Variants in GTF3C5 observed in about 807,000 individuals in gnomAD.
GTF3C5 encodes the protein general transcription factor IIIC subunit 5.
In GTF3C5, 47 loss-of-function variants were observed where a neutral mutation model predicts 61.0. The observed-to-expected ratio is 0.77, with a 90% CI of 0.61 to 0.98. GTF3C5 has a LOEUF of 0.98. GTF3C5 is among the 50% of genes least tolerant of loss of function. GTF3C5 has a pLI of 0.00. For missense variants in GTF3C5, 659 were observed against 703.3 expected (o/e 0.94, Z 0.71); for synonymous variants, 295 against 275.4 (o/e 1.07, Z -0.71).
chr9:133,056,822 A>G lies in GTF3C5; in HGVS notation c.1307A>G (p.Asp436Gly). The G allele has an allele frequency of 6.2e-7, 1 of 1,612,216 alleles. No homozygotes were observed. The highest frequency in any genetic ancestry group is 8.5e-7 in the Non-Finnish European group (1 of 1,179,182). The change falls in exon 10 of 11, where the codon GAT becomes GGT. Residue 436 changes from aspartate (D) to glycine (G), a missense_variant. By Grantham distance (94) the Asp-to-Gly change is moderately conservative. Coordinates refer to ENST00000372097, the MANE Select transcript of GTF3C5 (RefSeq NM_012087.4). ...DGAENSCTER[D>G]GWCLPKTSDE... ...GCAGAGAATTCCTGCACAGAACGGG[A>G]TGGGTGGTGCCTCCCCAAGACCAGC...
At position 133,031,464 on chromosome 9, in the gene GTF3C5, G is replaced by A. The variant is rs150096822; in HGVS notation, c.153+300G>A. Among the ~76,000 whole-genome samples, 1,455 of 152,262 alleles carry A rather than the reference G, an allele frequency of 9.6e-3. 16 individuals carry two copies. The highest frequency in any genetic ancestry group is 0.029 in the African/African-American group (1,187 of 41,544). ...CCTCCAGGGTTCAAGCGATTCTCCT[G>A]CCTCAGCCTCCAGAGTAGCTGGGAT... On this transcript the variant is annotated intron_variant, in intron 1 of 10. Coordinates refer to ENST00000372097, the MANE Select transcript of GTF3C5 (RefSeq NM_012087.4).
rs764152900 is a variant in GTF3C5, at chr9:133,042,291, A to G, written c.358A>G (p.Ile120Val). The change falls in exon 2 of 11, where the codon ATT (isoleucine) becomes GTT (valine). Residue 120 changes from isoleucine to valine, a missense_variant. By Grantham distance (29) the Ile-to-Val change is conservative (BLOSUM62 3). Coordinates refer to ENST00000372097, the MANE Select transcript of GTF3C5 (RefSeq NM_012087.4). Reference protein sequence around the residue: ...DMEILGIISTIYKFQGMSDFQ... With the variant: ...DMEILGIISTVYKFQGMSDFQ... The stretch of plus-strand genomic sequence containing the variant: ...GGAGATCCTTGGCATCATCTCCACC[A>G]TTTACAAATTTCAGGGTAACTGAAA... 2.5e-6 allele frequency: 4 copies of G among 1,604,400 alleles called. No homozygotes were observed. The highest frequency in any genetic ancestry group is 2.2e-5 in the East Asian group (1 of 44,862).
chr9:133,042,070 CT>C lies in GTF3C5; in HGVS notation c.154-14del. 2 of 1,597,738 alleles carry C rather than the reference CT, an allele frequency of 1.3e-6. No homozygotes were observed. The highest frequency in any genetic ancestry group is 1.7e-6 in the Non-Finnish European group (2 of 1,166,442). On this transcript the variant is annotated splice_polypyrimidine_tract_variant and intron_variant, in intron 1 of 10. Transcript: ENST00000372097. ...GCTTGTCATTGCTTCACTCTGTCTC[CT>C]TTGGCCTTGCCACAGATCTACGCAG...
Position 133,058,326 on chromosome 9 carries a change from C to G in GTF3C5, c.*346C>G, listed in dbSNP as rs1001642488. The G allele has an allele frequency of 7.6e-6, 2 of 261,908 alleles. No individual in the cohort carries two copies. The highest frequency in any genetic ancestry group is 4.6e-5 in the African/African-American group (2 of 43,644). 16.2% of individuals were successfully genotyped at this position (261,908 alleles called of 1,614,324 possible). On this transcript the variant is annotated 3_prime_UTR_variant, in exon 11 of 11. Transcript: ENST00000372097. ...AGCTGGGCAGCTGTGGAGCCCCAGG[C>G]CACAGGCCAGTCTCGCTTGGCTCTC...
chr9:133,053,120 G>A (rs1420110641), intron 5 of GTF3C5, among the ~76,000 whole-genome samples: 18 of 152,310 alleles, frequency 1.2e-4, no homozygotes, highest in African/African-American at 3.4e-4. Flanking sequence ...GATTATAGGC[G>A]AGAGCCACTG....
intron 3 of GTF3C5, among the ~76,000 whole-genome samples, chr9:133,046,868 C>CT (rs1850223839): frequency 6.6e-6 from 1 of 152,126 alleles, no homozygotes; most frequent in Admixed American, 6.5e-5. Context: ...CAAAGGAAGG[C>CT]TGGGGAGGCT....
Position 133,043,710 on chromosome 9 carries a change from G to A in GTF3C5, c.374-18G>A. The A allele has an allele frequency of 1.9e-6, 3 of 1,608,482 alleles. No individual in the cohort carries two copies. Among genetic ancestry groups the A allele is most frequent in the Non-Finnish European group, 2.6e-6 (3 of 1,175,026 alleles). On this transcript the variant is annotated intron_variant, in intron 2 of 10. Transcript: ENST00000372097. ...TTCCTGGACTCAATGTCTGCCATCT[G>A]CCCACCTCTCTTTCTAGGGATGTCT...
upstream of GTF3C5, chr9:133,030,965 A>T (rs1330617371): frequency 8.7e-6 from 14 of 1,604,008 alleles, no homozygotes; most frequent in Non-Finnish European, 1.2e-5. Flanking sequence ...GGCCTTTGGG[A>T]GTACTTTGTG....
At chr9:133,043,251 T>C (rs556852365) in intron 2 of GTF3C5, among the ~76,000 whole-genome samples, 32 of 152,332 alleles carry the variant, frequency 2.1e-4, no homozygotes, top group Non-Finnish European at 3.7e-4. Context: ...AAGTGATTCA[T>C]AAAACATAAC....
chr9:133,053,108 G>A (rs1466194828), intron 5 of GTF3C5, among the ~76,000 whole-genome samples: 1 of 152,196 alleles, frequency 6.6e-6, no homozygotes, highest in Non-Finnish European at 1.5e-5. Context: ...CCAAAATGCT[G>A]GGATTATAGG....
chr9:133,055,910 G>C, intron 8 of GTF3C5, 102 bp from the exon 9 acceptor site: 2 of 1,522,050 alleles, frequency 1.3e-6, no homozygotes, highest in Non-Finnish European at 1.8e-6. Context: ...TGACCAGCCA[G>C]CTCCCTGGAG....
chr9:133,031,512 C>T (rs538204269), intron 1 of GTF3C5, among the ~76,000 whole-genome samples: 7 of 151,996 alleles, frequency 4.6e-5, no homozygotes, highest in East Asian at 1.9e-4. Context: ...CCACCACGCC[C>T]GGCTAAATTT....
chr9:133,049,605 G>C (rs970382754), intron 3 of GTF3C5, among the ~76,000 whole-genome samples: 2 of 152,106 alleles, frequency 1.3e-5, no homozygotes, highest in Admixed American at 1.3e-4. Flanking sequence ...AGCTGGTGAC[G>C]GGCTTGTGGG....
At chr9:133,039,168 G>A (rs142812293) in intron 1 of GTF3C5, among the ~76,000 whole-genome samples, 2 of 152,290 alleles carry the variant, frequency 1.3e-5, no homozygotes, top group African/African-American at 4.8e-5. Context: ...TGTCTCTTTA[G>A]AGAAGTTTTC....
chr9:133,043,909 A>T lies in GTF3C5; in HGVS notation c.555A>T (p.Arg185=). 1 of 1,613,360 alleles carries T rather than the reference A, an allele frequency of 6.2e-7. No homozygotes were observed. The highest frequency in any genetic ancestry group is 8.5e-7 in the Non-Finnish European group (1 of 1,179,384). ...RLDAPVDYFY[R]PETQHREGYN... ...ACGCCCCGGTGGACTACTTCTACCG[A>T]CCAGAGACCCAGCACCGGTAAGGCC... Residue 185 remains arginine, a synonymous_variant, in exon 3 of 11, where the codon CGA becomes CGT. Coordinates refer to ENST00000372097, the MANE Select transcript of GTF3C5 (RefSeq NM_012087.4).
intron 2 of GTF3C5, among the ~76,000 whole-genome samples, chr9:133,043,049 T>C (rs1006005901): frequency 3.3e-5 from 5 of 152,158 alleles, no homozygotes; most frequent in African/African-American, 1.2e-4. Context: ...CATCTGCAGT[T>C]CTAGGCAGAA....
Position 133,052,178 on chromosome 9 carries a change from GC to G in GTF3C5, c.873+17del. The G allele has an allele frequency of 7.1e-7, 1 of 1,411,480 alleles. No individual in the cohort carries two copies. The highest frequency in any genetic ancestry group is 1.0e-6 in the Non-Finnish European group (1 of 1,003,502). 87.4% of individuals were successfully genotyped at this position (1,411,480 alleles called of 1,614,324 possible). On this transcript the variant is annotated intron_variant, in intron 5 of 10. Coordinates refer to ENST00000372097, the MANE Select transcript of GTF3C5 (RefSeq NM_012087.4). ...GCCTATTACATGGTAAGTGTCAGCT[GC>G]CCACCCACCTGCCTTGGTTTCCACC...
intron 1 of GTF3C5, among the ~76,000 whole-genome samples, chr9:133,033,278 G>C (rs1002830975): frequency 6.6e-6 from 1 of 152,060 alleles, no homozygotes; most frequent in African/African-American, 2.4e-5. Flanking sequence ...CTTACTCTAC[G>C]GTGTCTTGTT....
intron 3 of GTF3C5, among the ~76,000 whole-genome samples, chr9:133,050,121 G>C (rs2119017639): frequency 6.6e-6 from 1 of 151,998 alleles, no homozygotes; most frequent in Non-Finnish European, 1.5e-5. Flanking sequence ...TGCTCTGTTG[G>C]GTGGCAGGAC....
Sources: allele counts gnomAD v4.1 joint callset (sites outside exome capture counted in the v4.1 genomes callset), GRCh38; gene constraint gnomAD v4.1.1; transcripts MANE v1.5; gene names NCBI Gene and HGNC (gene_info 2026-07-23, HGNC 2026-07-21).